GSDMB: variants seen among roughly 807,000 people sequenced by gnomAD.
The protein encoded by GSDMB is gasdermin B, also known as gasdermin-B.
A neutral mutation model predicts 42.9 loss-of-function variants in GSDMB; 32 were observed. The observed-to-expected ratio is 0.75, with a 90% CI of 0.56 to 1.00. GSDMB has a LOEUF of 1.00. Among genes scored for constraint, GSDMB ranks in the 50% least tolerant of loss-of-function variants. GSDMB has a pLI of 0.00. For synonymous variants in GSDMB, 175 were observed against 193.7 expected, an observed-to-expected ratio of 0.90 and a Z score of 0.80; for missense variants, 468 against 498.5, an observed-to-expected ratio of 0.94 and a Z score of 0.58.
In GSDMB at chr17:39,909,894, G is replaced by A; in HGVS notation, c.438C>T (p.Phe146=). 1 of 1,613,864 alleles carries A rather than the reference G, an allele frequency of 6.2e-7. No individual in the cohort carries two copies. The highest frequency in any genetic ancestry group is 8.5e-7 in the Non-Finnish European group (1 of 1,179,720). The change falls in exon 4 of 11, where the codon TTC becomes TTT. Residue 146 remains phenylalanine, a synonymous_variant. Transcript: ENST00000418519. ...RKLKRELPFS[F]RSINTRENLY... is the part of the protein sequence containing the mutation. ...GGTTTTCTCTCGTATTAATTGATCG[G>A]AATGAAAAGGGTAGTTCCCTCTTCA...
At chr17:39,905,267 ACT>A in intron 10 of GSDMB, 157 bp downstream of exon 10, 2 of 625,370 alleles carry the variant, frequency 3.2e-6, no homozygotes, top group Non-Finnish European at 5.7e-6. Flanking sequence ...TGTTCTGGCA[ACT>A]CTCTGTCCAG....
chr17:39,912,554 A>AAG (rs2063631627), intron 2 of GSDMB, 57 bp from the exon 3 acceptor site: 1 of 1,384,594 alleles, frequency 7.2e-7, no homozygotes, highest in African/African-American at 1.4e-5. Flanking sequence ...ATCTCTCTCC[A>AAG]AAACACCCTC....
intron 2 of GSDMB, among the ~76,000 whole-genome samples, chr17:39,913,228 C>T (rs1052540117): frequency 6.6e-6 from 1 of 152,220 alleles, no homozygotes; most frequent in Non-Finnish European, 1.5e-5. Flanking sequence ...TACATTCTAA[C>T]TGCTTAATAA....
chr17:39,914,064 A>T (rs2063662554), intron 2 of GSDMB, among the ~76,000 whole-genome samples: 1 of 152,228 alleles, frequency 6.6e-6, no homozygotes, highest in South Asian at 2.1e-4. Flanking sequence ...TATGTGCACA[A>T]AGAGTACTAT....
At chr17:39,908,761 G>A (rs112259312) in intron 5 of GSDMB, among the ~76,000 whole-genome samples, 197 bp downstream of exon 5, 12 of 152,102 alleles carry the variant, frequency 7.9e-5, no homozygotes, top group Admixed American at 5.2e-4. Context: ...CTGGGTCAGC[G>A]GGTCCAGGTC....
chr17:39,906,013 C>T (rs763535055), intron 8 of GSDMB, 28 bp from the exon 9 acceptor site: 11 of 1,613,222 alleles, frequency 6.8e-6, no homozygotes, highest in Non-Finnish European at 9.3e-6. Flanking sequence ...GGGAGATGAG[C>T]AGCAGTCTCA....
chr17:39,910,747 T>A (rs574197724), intron 3 of GSDMB, among the ~76,000 whole-genome samples: 1 of 152,248 alleles, frequency 6.6e-6, no homozygotes, highest in East Asian at 1.9e-4. Context: ...CCTAAAACAG[T>A]CTGATGGAGT....
intron 7 of GSDMB, chr17:39,906,576 C>A (rs1417572228): frequency 7.5e-7 from 1 of 1,341,190 alleles, no homozygotes; most frequent in Non-Finnish European, 9.5e-7. Flanking sequence ...AAAGTGCAGT[C>A]CTCAGGCCAC....
intron 3 of GSDMB, among the ~76,000 whole-genome samples, chr17:39,910,899 C>G (rs1370252625): frequency 1.3e-5 from 2 of 152,190 alleles, no homozygotes; most frequent in Non-Finnish European, 2.9e-5. Context: ...AAACACCGAG[C>G]TCTCTTAGAA....
At chr17:39,913,490 G>A (rs111272102) in intron 2 of GSDMB, among the ~76,000 whole-genome samples, 2,891 of 152,300 alleles carry the variant, frequency 0.019, 104 homozygotes, top group African/African-American at 0.066. Flanking sequence ...GCACATGCCT[G>A]TAATTCCAGC....
rs909466417 is a variant in GSDMB at position 39,905,613 on chromosome 17, T to C, written c.1028-117A>G. ...GGTTCCAGAGAGCCCCTGGGAGTGC[T>C]AGATGAGACTTACTCCAAACAGGCC... On this transcript the variant is annotated intron_variant, in intron 9 of 10. Transcript: ENST00000418519. The C allele has an allele frequency of 4.2e-5, 40 of 944,128 alleles. 1 individual carries two copies. The African/African-American group carries it at 6.2e-4, about 15-fold the overall frequency. The allele number at this position is 944,128 out of a possible 1,614,324, so 58.5% of individuals were successfully genotyped here.
rs1265512729 is a variant in GSDMB at position 39,905,994 on chromosome 17, AG to A, written c.889-10del. 2.5e-6 allele frequency: 4 copies of A among 1,613,900 alleles called. No individual in the cohort carries two copies. In the East Asian group the frequency reaches 8.9e-5, roughly 36 times the overall value. ...ATCAGGACCTCAGATACCTAGGGCC[AG>A]GAAGTGTGGGAGATGAGCAGCAGTC... On this transcript the variant is annotated splice_polypyrimidine_tract_variant and intron_variant, in intron 8 of 10. Transcript: ENST00000418519.
intron 2 of GSDMB, among the ~76,000 whole-genome samples, chr17:39,913,101 CCT>C (rs1182877091): frequency 1.3e-5 from 2 of 148,468 alleles, no homozygotes; most frequent in Non-Finnish European, 3.0e-5. Context: ...TGACACTCTG[CCT>C]CTCTGCCTCA....
intron 4 of GSDMB, 166 bp downstream of exon 4, chr17:39,909,590 G>T: frequency 1.6e-6 from 1 of 620,514 alleles, no homozygotes; most frequent in South Asian, 2.0e-5. Flanking sequence ...AGAGTAACAA[G>T]GGAAGGACTG....
At chr17:39,915,219 G>A (rs957009338) in intron 2 of GSDMB, among the ~76,000 whole-genome samples, 1 of 152,178 alleles carries the variant, frequency 6.6e-6, no homozygotes, top group Non-Finnish European at 1.5e-5. Flanking sequence ...TGATCCACCC[G>A]CCTCAGTCTC....
At chr17:39,906,818 C>T (rs1167887528) in intron 7 of GSDMB, 143 bp downstream of exon 7, 2 of 1,509,058 alleles carry the variant, frequency 1.3e-6, no homozygotes, top group Non-Finnish European at 1.8e-6. Flanking sequence ...ATGCAGCCTC[C>T]AGACTAAAGT....
intron 2 of GSDMB, among the ~76,000 whole-genome samples, chr17:39,914,656 G>A (rs933909208): frequency 1.5e-4 from 22 of 151,032 alleles, no homozygotes; most frequent in African/African-American, 4.6e-4. Context: ...CCAGCTACTC[G>A]GGAGGCTGAG....
chr17:39,908,637 C>A (rs2063550306), intron 5 of GSDMB, among the ~76,000 whole-genome samples: 1 of 152,200 alleles, frequency 6.6e-6, no homozygotes, highest in Non-Finnish European at 1.5e-5. Context: ...ACCTTGGCCT[C>A]CCAAAGTGCT....
At chr17:39,910,053 C>T in intron 3 of GSDMB, 129 bp from the exon 4 acceptor site, 1 of 733,986 alleles carries the variant, frequency 1.4e-6, no homozygotes, top group Non-Finnish European at 2.3e-6. Context: ...CCAAGGAACA[C>T]AGCACCCCAT....
Sources: allele counts gnomAD v4.1 joint callset (sites outside exome capture counted in the v4.1 genomes callset), GRCh38; gene constraint gnomAD v4.1.1; transcripts MANE v1.5; gene names NCBI Gene and HGNC (gene_info 2026-07-23, HGNC 2026-07-21).